SMCHD1: variants seen among roughly 807,000 people sequenced by gnomAD.
The protein encoded by SMCHD1 is structural maintenance of chromosomes flexible hinge domain-containing protein 1.
In SMCHD1, 78 loss-of-function variants were observed where a neutral mutation model predicts 254.7. The observed-to-expected ratio is 0.31, with a 90% CI of 0.26 to 0.37. SMCHD1 has a LOEUF of 0.37. Ranked by LOEUF, SMCHD1 falls within the 10% of genes least tolerant of loss-of-function variation. The pLI is 1.00. For synonymous variants in SMCHD1, 766 were observed against 794.9 expected, an observed-to-expected ratio of 0.96 and a Z score of 0.61; for missense variants, 1,840 against 2,408.1, an observed-to-expected ratio of 0.76 and a Z score of 4.94.
intron 5 of SMCHD1, among the ~76,000 whole-genome samples, chr18:2,680,155 A>G (rs2073892083): frequency 6.6e-6 from 1 of 152,218 alleles, no homozygotes; most frequent in Non-Finnish European, 1.5e-5. Flanking sequence ...TATTTAAAAT[A>G]GCCGAGCTTC....
At chr18:2,771,311 CT>C (rs1185786321) in intron 39 of SMCHD1, among the ~76,000 whole-genome samples, 1 of 152,148 alleles carries the variant, frequency 6.6e-6, no homozygotes, top group African/African-American at 2.4e-5. Context: ...TATATCATAT[CT>C]CCCTTTAGTT....
At chr18:2,740,678 AAAAT>A (rs768937447) in intron 27 of SMCHD1, 21 bp from the exon 28 acceptor site, 6 of 1,305,590 alleles carry the variant, frequency 4.6e-6, no homozygotes, top group Admixed American at 3.7e-5. Flanking sequence ...AGATAATACT[AAAAT>A]AAAACTTCCC....
intron 24 of SMCHD1, among the ~76,000 whole-genome samples, chr18:2,730,508 TTTTATTG>T (rs2075118028): frequency 6.6e-6 from 1 of 152,150 alleles, no homozygotes; most frequent in South Asian, 2.1e-4. Context: ...GTAGGATGCT[TTTTATTG>T]GTGATTCATC....
intron 47 of SMCHD1, among the ~76,000 whole-genome samples, chr18:2,798,204 G>A (rs955206187): frequency 7.9e-5 from 12 of 152,182 alleles, no homozygotes; most frequent in Non-Finnish European, 1.6e-4. Context: ...TAGAGGCAGA[G>A]GCCAGATTAT....
intron 38 of SMCHD1, 66 bp from the exon 39 acceptor site, chr18:2,769,923 C>G: frequency 6.5e-7 from 1 of 1,531,788 alleles, no homozygotes; most frequent in Non-Finnish European, 8.8e-7. Flanking sequence ...TATCTAACCA[C>G]TTTATGACAT....
At chr18:2,664,339 A>G (rs2073377572) in intron 1 of SMCHD1, among the ~76,000 whole-genome samples, 1 of 150,520 alleles carries the variant, frequency 6.6e-6, no homozygotes, top group African/African-American at 2.5e-5. Context: ...AGGATCTGAC[A>G]TAGTCCTCAC....
At chr18:2,801,626 A>G (rs1297078084) in intron 47 of SMCHD1, among the ~76,000 whole-genome samples, 1 of 152,180 alleles carries the variant, frequency 6.6e-6, no homozygotes, top group African/African-American at 2.4e-5. Flanking sequence ...ATAGTAGGAA[A>G]GGAAATAGGT....
intron 10 of SMCHD1, 61 bp from the exon 11 acceptor site, chr18:2,700,478 G>GT (rs2074376702): frequency 1.3e-6 from 2 of 1,498,756 alleles, no homozygotes; most frequent in Non-Finnish European, 9.0e-7. Flanking sequence ...TTATGTGTTT[G>GT]TTTCATTATT....
chr18:2,698,256 C>A (rs1235408315), intron 10 of SMCHD1, among the ~76,000 whole-genome samples: 1 of 152,052 alleles, frequency 6.6e-6, no homozygotes, highest in African/African-American at 2.4e-5. Flanking sequence ...ATGAACTCTT[C>A]TTTTAGTTCT....
chr18:2,692,144 G>C (rs1271338144), intron 7 of SMCHD1, among the ~76,000 whole-genome samples: 1 of 152,224 alleles, frequency 6.6e-6, no homozygotes, highest in Admixed American at 6.5e-5. Context: ...GTAAAAGGTG[G>C]TAGGAATGGG....
In SMCHD1 at chr18:2,795,990, AGT is replaced by A; in HGVS notation, c.5765_5766del (p.Val1922GlufsTer2). The A allele has an allele frequency of 6.3e-7, 1 of 1,598,124 alleles. No homozygotes were observed. Among genetic ancestry groups the A allele is most frequent in the Admixed American group, 1.7e-5 (1 of 57,172 alleles). ...TCGTTCTGCTGTGTGCAAACTAGAC[AGT>A]GTGAATAAGGATCTTAACAGTCAAT... is the stretch of plus-strand genomic sequence containing the variant. Reference protein sequence around the residue: ...QYRSAVCKLDSVNKDLNSQLE... With the variant: ...QYRSAVCKLDXVNKDLNSQLE... On this transcript the variant is annotated frameshift_variant, in exon 46 of 48. Transcript: ENST00000320876. LOFTEE classifies it high-confidence loss of function.
intron 17 of SMCHD1, among the ~76,000 whole-genome samples, chr18:2,712,858 C>T (rs1041082235): frequency 2.6e-5 from 4 of 152,206 alleles, no homozygotes; most frequent in Non-Finnish European, 5.9e-5. Context: ...GCCTAGGAAA[C>T]TAGTCATAGC....
At chr18:2,656,393 C>T (rs1598265503) in intron 1 of SMCHD1, 132 bp downstream of exon 1, 1 of 855,086 alleles carries the variant, frequency 1.2e-6, no homozygotes, top group Non-Finnish European at 1.6e-6. Flanking sequence ...CTTCCCTCTC[C>T]CGTGTGCCCG....
At chr18:2,748,027 G>T (rs1007390615) in intron 30 of SMCHD1, among the ~76,000 whole-genome samples, 34 of 152,252 alleles carry the variant, frequency 2.2e-4, no homozygotes, top group African/African-American at 7.9e-4. Context: ...CATACATGGT[G>T]AGGCTAAACA....
At chr18:2,795,854 A>T (rs2298498) in intron 45 of SMCHD1, 95 bp from the exon 46 acceptor site, 1 of 1,013,478 alleles carries the variant, frequency 9.9e-7, no homozygotes, top group Admixed American at 3.0e-5. Flanking sequence ...CTATGTTACC[A>T]TAACACAAAT....
intron 37 of SMCHD1, among the ~76,000 whole-genome samples, chr18:2,767,460 C>CG (rs2075888181): frequency 6.6e-6 from 1 of 151,674 alleles, no homozygotes; most frequent in Admixed American, 6.6e-5. Context: ...CACTTAATGA[C>CG]GGGCATATGT....
intron 39 of SMCHD1, among the ~76,000 whole-genome samples, chr18:2,770,859 G>A (rs932437392): frequency 6.6e-6 from 1 of 152,072 alleles, no homozygotes; most frequent in Non-Finnish European, 1.5e-5. Flanking sequence ...TACCTCAAGT[G>A]ATCTGCCCAC....
intron 17 of SMCHD1, among the ~76,000 whole-genome samples, chr18:2,717,168 G>A (rs554342213): frequency 6.6e-6 from 1 of 152,216 alleles, no homozygotes; most frequent in African/African-American, 2.4e-5. Flanking sequence ...TGGGAGTATG[G>A]GTGGAGCACT....
At chr18:2,797,600 G>T (rs1327494811) in intron 47 of SMCHD1, among the ~76,000 whole-genome samples, 1 of 152,228 alleles carries the variant, frequency 6.6e-6, no homozygotes, top group East Asian at 1.9e-4. Context: ...GTAATTCTAT[G>T]CAGTAGAGGG....
Sources: allele counts gnomAD v4.1 joint callset (sites outside exome capture counted in the v4.1 genomes callset), GRCh38; gene constraint gnomAD v4.1.1; transcripts MANE v1.5; gene names NCBI Gene and HGNC (gene_info 2026-07-23, HGNC 2026-07-21).